The following TTC28 variants were observed in gnomAD, a reference collection of about 807,000 sequenced individuals.
TTC28 encodes tetratricopeptide repeat protein 28.
Under a neutral mutation model 198.0 loss-of-function variants are expected in TTC28, and 61 were observed. The observed-to-expected ratio is 0.31, with a 90% CI of 0.25 to 0.38. The LOEUF (loss-of-function observed/expected upper bound fraction) is 0.38, where lower values mean the gene tolerates loss of function less well. TTC28 is among the 10% of genes least tolerant of loss of function. TTC28 has a pLI of 1.00. For synonymous variants in TTC28, 1,171 were observed against 1,297.8 expected (o/e 0.90, Z 2.10); for missense variants, 2,678 against 3,164.0 (o/e 0.85, Z 3.69).
intron 2 of TTC28, among the ~76,000 whole-genome samples, chr22:28,593,462 T>C (rs1473330386): frequency 1.5e-5 from 2 of 134,516 alleles, no homozygotes; most frequent in Non-Finnish European, 3.3e-5. Flanking sequence ...GGTAGATAGG[T>C]AGGTAGCTAG....
chr22:28,564,942 AT>A (rs1220691285), intron 2 of TTC28, among the ~76,000 whole-genome samples: 2 of 150,046 alleles, frequency 1.3e-5, no homozygotes, highest in Non-Finnish European at 3.0e-5. Flanking sequence ...ATGCAAAAAA[AT>A]GAAAGTAAAA....
intron 1 of TTC28, among the ~76,000 whole-genome samples, chr22:28,643,626 T>C (rs540608915): frequency 1.3e-5 from 2 of 152,358 alleles, no homozygotes; most frequent in East Asian, 3.9e-4. Flanking sequence ...GAAAAAATTA[T>C]GTCTTAAGAT....
chr22:28,501,700 A>G (rs1237928852), intron 2 of TTC28, among the ~76,000 whole-genome samples: 1 of 152,202 alleles, frequency 6.6e-6, no homozygotes, highest in South Asian at 2.1e-4. Context: ...GCAATTTTTA[A>G]AATTATGAAT....
At chr22:28,677,176 AT>A (rs375445264) in intron 1 of TTC28, among the ~76,000 whole-genome samples, 30,058 of 58,460 alleles carry the variant, frequency 0.51, 5,831 homozygotes, top group Non-Finnish European at 0.57. Context: ...AAAAAAAAAA[AT>A]ATATATATAT....
intron 2 of TTC28, among the ~76,000 whole-genome samples, chr22:28,473,542 C>A (rs1364292814): frequency 6.6e-6 from 1 of 152,174 alleles, no homozygotes; most frequent in East Asian, 1.9e-4. Flanking sequence ...TTCTGAATAA[C>A]CCACCCCTTG....
intron 2 of TTC28, among the ~76,000 whole-genome samples, chr22:28,610,386 G>A (rs910722457): frequency 6.6e-6 from 1 of 152,206 alleles, no homozygotes; most frequent in African/African-American, 2.4e-5. Flanking sequence ...AGCTTCCAGA[G>A]GAAGGAACAG....
intron 2 of TTC28, among the ~76,000 whole-genome samples, chr22:28,520,568 C>T (rs2048884180): frequency 6.6e-6 from 1 of 152,176 alleles, no homozygotes; most frequent in Admixed American, 6.5e-5. Context: ...CATCAAGTGA[C>T]CTTGTCTCTA....
At chr22:28,440,651 C>T (rs939403431) in intron 2 of TTC28, among the ~76,000 whole-genome samples, 1 of 152,186 alleles carries the variant, frequency 6.6e-6, no homozygotes, top group African/African-American at 2.4e-5. Flanking sequence ...TGCAGTATCA[C>T]TTTTCATCTG....
chr22:28,497,171 G>A (rs1393082089), intron 2 of TTC28, among the ~76,000 whole-genome samples: 4 of 152,096 alleles, frequency 2.6e-5, no homozygotes, highest in Non-Finnish European at 4.4e-5. Context: ...TTAGTTTACT[G>A]TACATCTTTC....
At chr22:28,075,830 G>A (rs1213406641) in intron 12 of TTC28, among the ~76,000 whole-genome samples, 1 of 152,152 alleles carries the variant, frequency 6.6e-6, no homozygotes, top group Non-Finnish European at 1.5e-5. Flanking sequence ...TAGGCAGAGC[G>A]AGGCACAGGC....
At chr22:27,992,936 C>T (rs1937468059) in intron 18 of TTC28, 2 of 558,024 alleles carry the variant, frequency 3.6e-6, no homozygotes, top group Non-Finnish European at 3.2e-6. Flanking sequence ...CCTAGTCAAG[C>T]ACCCAGCTTC....
chr22:28,312,685 C>A (rs1259573694), intron 2 of TTC28, among the ~76,000 whole-genome samples: 5 of 152,216 alleles, frequency 3.3e-5, no homozygotes, highest in South Asian at 2.1e-4. Flanking sequence ...CACAATGTAC[C>A]AGAATCTCTA....
At chr22:28,309,485 A>C (rs1219703064) in intron 2 of TTC28, among the ~76,000 whole-genome samples, 1 of 152,194 alleles carries the variant, frequency 6.6e-6, no homozygotes, top group Non-Finnish European at 1.5e-5. Flanking sequence ...AAAGGTCAGG[A>C]TATGTTGAGA....
At chr22:28,036,781 T>C (rs956892924) in intron 12 of TTC28, among the ~76,000 whole-genome samples, 3 of 151,546 alleles carry the variant, frequency 2.0e-5, no homozygotes, top group African/African-American at 7.3e-5. Flanking sequence ...GCAAGACTAA[T>C]AAAGAAGAAA....
chr22:28,066,189 A>C (rs1940738221), intron 12 of TTC28, among the ~76,000 whole-genome samples: 1 of 152,038 alleles, frequency 6.6e-6, no homozygotes, highest in Admixed American at 6.6e-5. Flanking sequence ...AAGTGTATGT[A>C]ATACTTTGAT....
At chr22:28,157,339 T>C (rs1943771896) in intron 6 of TTC28, among the ~76,000 whole-genome samples, 1 of 152,166 alleles carries the variant, frequency 6.6e-6, no homozygotes, top group South Asian at 2.1e-4. Flanking sequence ...GTCCAGGACC[T>C]GATGGCTTCA....
At chr22:28,244,294 C>G (rs1343108174) in intron 5 of TTC28, among the ~76,000 whole-genome samples, 2 of 152,176 alleles carry the variant, frequency 1.3e-5, no homozygotes, top group African/African-American at 4.8e-5. Flanking sequence ...GCAGCCACTG[C>G]TTTAACACAC....
chr22:28,351,469 C>T (rs1569276992), intron 2 of TTC28, among the ~76,000 whole-genome samples: 1 of 152,118 alleles, frequency 6.6e-6, no homozygotes, highest in Admixed American at 6.5e-5. Flanking sequence ...CGTGAAAAGC[C>T]TTTGTGAATA....
chr22:28,620,951 T>A (rs2050985123), intron 2 of TTC28, among the ~76,000 whole-genome samples: 1 of 152,232 alleles, frequency 6.6e-6, no homozygotes, highest in African/African-American at 2.4e-5. Context: ...TTTGGCTCCT[T>A]CTGGCTGCTT....
Sources: gnomAD v4.1 joint callset for allele counts (sites outside exome capture counted in the v4.1 genomes callset) on GRCh38, gnomAD v4.1.1 for gene constraint, MANE v1.5 for transcripts, NCBI Gene and HGNC (gene_info 2026-07-23, HGNC 2026-07-21) for gene names.